The following COL18A1 variants were observed in gnomAD, a reference collection of about 807,000 sequenced individuals.
COL18A1 encodes the protein collagen alpha-1(XVIII) chain.
Under a neutral mutation model 168.0 loss-of-function variants are expected in COL18A1, and 133 were observed. The ratio of observed to expected loss-of-function variants is 0.79; its 90% CI spans 0.69 to 0.91. COL18A1 has a LOEUF of 0.91. COL18A1 is among the 40% of genes least tolerant of loss of function. COL18A1 has a pLI of 0.00. For missense variants in COL18A1, 2,126 were observed against 1,925.4 expected, an observed-to-expected ratio of 1.10 and a Z score of -1.95; for synonymous variants, 949 against 809.0, an observed-to-expected ratio of 1.17 and a Z score of -2.94.
In COL18A1 at chr21:45,473,357, C is replaced by T. The variant is rs1001801339; in HGVS notation, c.652-538C>T. On this transcript the variant is annotated intron_variant, in intron 3 of 41. Coordinates refer to ENST00000651438, the MANE Select transcript of COL18A1 (RefSeq NM_001379500.1). This position sits in a 1 kb window ranked among gnomAD's most constrained non-coding sequence, Gnocchi z 4.0. ...GTCCGGACGGAATGGGCGCAGAGAT[C>T]CAGGAAACTCCCCTACATCTGCGGC... 9.9e-5 allele frequency among the ~76,000 whole-genome samples: 15 copies of T among 152,230 alleles called. No homozygotes were observed. The highest frequency in any genetic ancestry group is 1.8e-4 in the Non-Finnish European group (12 of 68,048).
intron 19 of COL18A1, among the ~76,000 whole-genome samples, chr21:45,489,783 C>G (rs1055735888): frequency 2.0e-5 from 3 of 150,890 alleles, no homozygotes; most frequent in Non-Finnish European, 4.5e-5. Flanking sequence ...GTGCAGGCCC[C>G]GTCGGCCCCT....
At chr21:45,483,323 G>C (rs1421104647) in intron 15 of COL18A1, among the ~76,000 whole-genome samples, 1 of 152,220 alleles carries the variant, frequency 6.6e-6, no homozygotes, top group Non-Finnish European at 1.5e-5. Flanking sequence ...GGCAGCCCGG[G>C]TGTCCTTGGC....
At chr21:45,493,393 G>A in intron 25 of COL18A1, 108 bp from the exon 26 acceptor site, 1 of 1,299,932 alleles carries the variant, frequency 7.7e-7, no homozygotes, top group South Asian at 1.3e-5. Flanking sequence ...CCCGTGAAAG[G>A]ACCCAGCCTG....
chr21:45,438,174 ACACT>A (rs1212598554), intron 2 of COL18A1, among the ~76,000 whole-genome samples: 16 of 124,668 alleles, frequency 1.3e-4, no homozygotes, highest in African/African-American at 3.2e-4. Context: ...CTGCATACAC[ACACT>A]CACACTCAGA....
chr21:45,495,116 A>C, intron 28 of COL18A1: 1 of 649,418 alleles, frequency 1.5e-6, no homozygotes, highest in Non-Finnish European at 2.7e-6. Context: ...AGTACCCAGG[A>C]GGAAGCCCTG....
chr21:45,456,845 G>A (rs576722048), intron 2 of COL18A1: 1 of 1,508,586 alleles, frequency 6.6e-7, no homozygotes, highest in Non-Finnish European at 8.9e-7. Flanking sequence ...CCCGACCCAG[G>A]AGGATGGGTA....
In COL18A1 at chr21:45,512,531, T is replaced by C. The variant is rs886057138; in HGVS notation, c.*133T>C. On this transcript the variant is annotated 3_prime_UTR_variant, in exon 42 of 42. Coordinates refer to ENST00000651438, the MANE Select transcript of COL18A1 (RefSeq NM_001379500.1). ...ACTTTCCTGTATAGTTCACGTTTCA[T>C]GTAATCCTCAAGAAATAAAAGGAAG... 4.5e-5 allele frequency: 35 copies of C among 786,346 alleles called. No homozygotes were observed. The highest frequency in any genetic ancestry group is 6.6e-5 in the Non-Finnish European group (32 of 483,826). 48.7% of individuals were successfully genotyped at this position (786,346 alleles called of 1,614,324 possible).
chr21:45,494,055 G>A (rs745455560), intron 26 of COL18A1: 12 of 290,872 alleles, frequency 4.1e-5, no homozygotes, highest in African/African-American at 6.5e-5. Context: ...GGAGGGTCCT[G>A]GGGAGAAGCC....
rs2033692344 is a variant in COL18A1 at position 45,423,533 on chromosome 21, T to C, written c.106+18060T>C. 1.4e-5 allele frequency among the ~76,000 whole-genome samples: 2 copies of C among 138,248 alleles called. No individual in the cohort carries two copies. Among genetic ancestry groups the C allele is most frequent in the African/African-American group, 5.2e-5 (2 of 38,506 alleles). 90.7% of individuals were successfully genotyped at this position (138,248 alleles called of 152,430 possible). A position where few individuals can be genotyped will look rare whatever the true frequency, so the allele number is the denominator to read the frequency against. ...GGAGGGCCCGGCTCCAAGGGTCATA[T>C]GAGTGGATCTGGAGGTCGGCCTCTC... On this transcript the variant is annotated intron_variant, in intron 2 of 41. Coordinates refer to ENST00000651438, the MANE Select transcript of COL18A1 (RefSeq NM_001379500.1). This position sits in a 1 kb window ranked among gnomAD's most constrained non-coding sequence, Gnocchi z 4.0.
intron 2 of COL18A1, chr21:45,421,620 C>T (rs777887816): frequency 1.3e-5 from 7 of 530,882 alleles, no homozygotes; most frequent in Non-Finnish European, 2.3e-5. Context: ...GCCTGCAGGC[C>T]TGGAAGGTGT....
intron 2 of COL18A1, among the ~76,000 whole-genome samples, chr21:45,465,885 G>A (rs1380076821): frequency 6.6e-6 from 1 of 152,204 alleles, no homozygotes; most frequent in African/African-American, 2.4e-5. Flanking sequence ...TGGCCGTGAG[G>A]GATGCAGGAC....
intron 2 of COL18A1, chr21:45,421,665 G>A (rs1186212131): frequency 2.0e-6 from 1 of 498,630 alleles, no homozygotes; most frequent in South Asian, 1.5e-5. Context: ...TTGCCAGGAA[G>A]GAAGCTCACA....
chr21:45,422,809 T>G, intron 2 of COL18A1: 1 of 215,602 alleles, frequency 4.6e-6, no homozygotes, highest in South Asian at 5.4e-5. Context: ...TTTTTTGAGA[T>G]GGAGTTTCAC....
intron 2 of COL18A1, among the ~76,000 whole-genome samples, chr21:45,435,908 CTT>C (rs1234511022): frequency 6.6e-6 from 1 of 152,198 alleles, no homozygotes; most frequent in Non-Finnish European, 1.5e-5. Flanking sequence ...GTGCCCCTCT[CTT>C]GAGCCCCTGT....
rs753434464 is a variant in COL18A1, at chr21:45,411,767, G to C, written c.106+6294G>C. ...AGAGTCAGGGCTGATGGCGGGGGGTGGGGGGGGGGCAGGCTGTGGTCAGGG... is the reference window on the plus strand; with the variant it reads ...AGAGTCAGGGCTGATGGCGGGGGGTCGGGGGGGGGCAGGCTGTGGTCAGGG... On this transcript the variant is annotated intron_variant, in intron 2 of 41. Transcript: ENST00000651438. Among the ~76,000 whole-genome samples the C allele has an allele frequency of 4.9e-5, 5 of 101,520 alleles. 1 individual carries two copies. Among genetic ancestry groups the C allele is most frequent in the African/African-American group, 1.0e-4 (2 of 19,954 alleles). The allele number at this position is 101,520 out of a possible 152,430, so 66.6% of individuals were successfully genotyped here.
At position 45,498,605 on chromosome 21, in the gene COL18A1, C is replaced by CG. The variant is rs766294932; in HGVS notation, c.2683+944_2683+945insG. 2 of 712,076 alleles carry CG rather than the reference C, an allele frequency of 2.8e-6. No individual in the cohort carries two copies. The highest frequency in any genetic ancestry group is 3.0e-5 in the South Asian group (2 of 67,504). 44.1% of individuals were successfully genotyped at this position (712,076 alleles called of 1,614,324 possible). A position where few individuals can be genotyped will look rare whatever the true frequency, so the allele number is the denominator to read the frequency against. On this transcript the variant is annotated intron_variant, in intron 32 of 41. Coordinates refer to ENST00000651438, the MANE Select transcript of COL18A1 (RefSeq NM_001379500.1). This position sits in a 1 kb window ranked among gnomAD's most constrained non-coding sequence, Gnocchi z 4.5. ...GAGGCCGAGTCTGGGCCGGGACATC[C>CG]TTAAGGCCTGTGGAGGCAAAGGCAG... is the stretch of plus-strand genomic sequence containing the variant.
intron 19 of COL18A1, among the ~76,000 whole-genome samples, 195 bp downstream of exon 19, chr21:45,489,716 A>AC (rs1470681350): frequency 6.6e-6 from 1 of 150,714 alleles, no homozygotes; most frequent in Admixed American, 6.6e-5. Context: ...ACCCCAGGGC[A>AC]CCCCCAGGTT....
rs771471847 is a variant in COL18A1 at position 45,512,328 on chromosome 21, G to C, written c.3950G>C (p.Ser1317Thr). 1 of 1,612,622 alleles carries C rather than the reference G, an allele frequency of 6.2e-7. No homozygotes were observed. Among genetic ancestry groups the C allele is most frequent in the East Asian group, 2.2e-5 (1 of 44,866 alleles). The change falls in exon 42 of 42, where the codon AGT becomes ACT. Residue 1317 changes from serine to threonine, a missense_variant. Coordinates refer to ENST00000651438, the MANE Select transcript of COL18A1 (RefSeq NM_001379500.1). Reference sequence around the variant, plus strand: ...CTGGGGGGCAGGCTCCTGGGGCAGAGTGCCGCGAGCTGCCATCACGCCTAC... The same window carrying C: ...CTGGGGGGCAGGCTCCTGGGGCAGACTGCCGCGAGCTGCCATCACGCCTAC... ...SLLGGRLLGQ[S>T]AASCHHAYIV...
chr21:45,478,660 G>A (rs532764707), intron 9 of COL18A1, among the ~76,000 whole-genome samples: 1 of 151,984 alleles, frequency 6.6e-6, no homozygotes, highest in African/African-American at 2.4e-5. Flanking sequence ...GTCGGGCGGG[G>A]CAGGGGGTGG....
Sources: gnomAD v4.1 joint callset for allele counts (sites outside exome capture counted in the v4.1 genomes callset) on GRCh38, gnomAD v4.1.1 for gene constraint, Gnocchi (gnomAD v3.1) non-coding constraint, MANE v1.5 for transcripts, NCBI Gene and HGNC (gene_info 2026-07-23, HGNC 2026-07-21) for gene names.